METTL8: variants seen among roughly 807,000 people sequenced by gnomAD.
METTL8 encodes tRNA N(3)-cytidine methyltransferase METTL8, mitochondrial.
Under a neutral mutation model 48.7 loss-of-function variants are expected in METTL8, and 32 were observed. The ratio of observed to expected loss-of-function variants is 0.66; its 90% CI spans 0.50 to 0.88. The LOEUF (loss-of-function observed/expected upper bound fraction) is 0.88. METTL8 is among the 40% of genes least tolerant of loss of function. The probability of loss-of-function intolerance (pLI) is 0.00; values close to 1 mark genes in which losing one functional copy is unlikely to be tolerated. For synonymous variants in METTL8, 136 were observed against 157.1 expected (o/e 0.87, Z 1.01); for missense variants, 464 against 474.4 (o/e 0.98, Z 0.20).
rs148877924 is a variant in METTL8, at chr2:171,335,730, T to C, written c.656+1723A>G. On this transcript the variant is annotated intron_variant, in intron 5 of 9. Coordinates refer to ENST00000375258, the MANE Select transcript of METTL8 (RefSeq NM_001321154.2). Reference sequence around the variant, plus strand: ...GTGAGCCACCGCACCAGGCCCCAGATGCTTTTACATTTTAATAATAAAAAG... The same window carrying C: ...GTGAGCCACCGCACCAGGCCCCAGACGCTTTTACATTTTAATAATAAAAAG... 6.3e-3 allele frequency among the ~76,000 whole-genome samples: 957 copies of C among 152,226 alleles called. 6 individuals carry two copies. The highest frequency in any genetic ancestry group is 0.021 in the African/African-American group (854 of 41,540).
intron 2 of METTL8, among the ~76,000 whole-genome samples, chr2:171,376,917 GA>G: frequency 6.6e-6 from 1 of 152,236 alleles, no homozygotes; most frequent in East Asian, 1.9e-4. Context: ...AATAAATCTG[GA>G]GGTGTCACAT....
chr2:171,422,520 T>C (rs1455923116), intron 1 of METTL8, among the ~76,000 whole-genome samples: 2 of 152,212 alleles, frequency 1.3e-5, no homozygotes, highest in Admixed American at 6.5e-5. Context: ...TTTTATATAG[T>C]ATCAAATAAG....
intron 1 of METTL8, among the ~76,000 whole-genome samples, chr2:171,394,899 G>A (rs1688914409): frequency 6.6e-6 from 1 of 152,304 alleles, no homozygotes; most frequent in Admixed American, 6.5e-5. Context: ...TAAGATCCTT[G>A]CAGTGCGAAG....
chr2:171,353,524 G>T (rs1017157443), intron 3 of METTL8, among the ~76,000 whole-genome samples: 10 of 152,184 alleles, frequency 6.6e-5, no homozygotes, highest in African/African-American at 2.4e-4. Context: ...GGATATCGTT[G>T]TTAACTTTCT....
At chr2:171,329,531 A>G (rs941348182) in intron 7 of METTL8, among the ~76,000 whole-genome samples, 1 of 152,242 alleles carries the variant, frequency 6.6e-6, no homozygotes, top group African/African-American at 2.4e-5. Context: ...ACAGATTAGC[A>G]GAAAGAAATA....
At chr2:171,344,071 G>A (rs1687039528) in intron 3 of METTL8, among the ~76,000 whole-genome samples, 1 of 152,046 alleles carries the variant, frequency 6.6e-6, no homozygotes. Flanking sequence ...CAGGAATTAG[G>A]AGAAAAGAAA....
chr2:171,360,884 GT>G (rs1237262776), intron 2 of METTL8, among the ~76,000 whole-genome samples: 3 of 152,194 alleles, frequency 2.0e-5, no homozygotes, highest in Admixed American at 2.0e-4. Context: ...TTCTTCAGTA[GT>G]TTTTAAATGC....
chr2:171,416,407 A>T (rs1691322478), intron 1 of METTL8, among the ~76,000 whole-genome samples: 1 of 152,236 alleles, frequency 6.6e-6, no homozygotes, highest in African/African-American at 2.4e-5. Flanking sequence ...CACCTCAAAC[A>T]GACAATTCCA....
chr2:171,333,870 A>T (rs2105404649), intron 5 of METTL8, among the ~76,000 whole-genome samples: 1 of 152,278 alleles, frequency 6.6e-6, no homozygotes, highest in Non-Finnish European at 1.5e-5. Context: ...TTAAAAAAAG[A>T]GATAAACATG....
intron 1 of METTL8, among the ~76,000 whole-genome samples, chr2:171,429,063 T>G (rs1692705960): frequency 6.6e-6 from 1 of 152,066 alleles, no homozygotes; most frequent in Non-Finnish European, 1.5e-5. Context: ...ACACATATCT[T>G]CAAGGCTATG....
At chr2:171,426,800 CCTG>C (rs1016113888) in intron 1 of METTL8, among the ~76,000 whole-genome samples, 31 of 152,290 alleles carry the variant, frequency 2.0e-4, no homozygotes, top group African/African-American at 7.2e-4. Flanking sequence ...ACTACAATCA[CCTG>C]CTAAGTGGTC....
intron 1 of METTL8, among the ~76,000 whole-genome samples, chr2:171,426,590 A>G (rs566626845): frequency 6.6e-6 from 1 of 152,370 alleles, no homozygotes; most frequent in South Asian, 2.1e-4. Context: ...TGTTTAAAAT[A>G]AGAGGGTGAG....
chr2:171,426,318 T>C (rs1022425164), intron 1 of METTL8, among the ~76,000 whole-genome samples: 1 of 152,152 alleles, frequency 6.6e-6, no homozygotes, highest in Non-Finnish European at 1.5e-5. Flanking sequence ...GAGAAAAATA[T>C]AGACAAGCTA....
chr2:171,338,690 G>A (rs988726419), intron 4 of METTL8, among the ~76,000 whole-genome samples: 1 of 151,566 alleles, frequency 6.6e-6, no homozygotes, highest in Non-Finnish European at 1.5e-5. Context: ...TAACAGTGGT[G>A]AAATCCTTTG....
At chr2:171,368,151 GAA>G (rs1685914090) in intron 2 of METTL8, among the ~76,000 whole-genome samples, 1 of 152,174 alleles carries the variant, frequency 6.6e-6, no homozygotes, top group African/African-American at 2.4e-5. Flanking sequence ...GCTGATTGAT[GAA>G]GCAGTAAAAA....
At chr2:171,341,812 T>C (rs1485070522) in intron 3 of METTL8, among the ~76,000 whole-genome samples, 1 of 149,750 alleles carries the variant, frequency 6.7e-6, no homozygotes, top group South Asian at 2.1e-4. Context: ...TACGCATGTA[T>C]GGTTACATAG....
At chr2:171,326,988 C>T (rs1038348340) in intron 7 of METTL8, 1 of 152,200 alleles carries the variant, frequency 6.6e-6, no homozygotes, top group Non-Finnish European at 1.5e-5. Context: ...CTACTACTGA[C>T]CCCAATTAAT....
intron 2 of METTL8, among the ~76,000 whole-genome samples, chr2:171,390,235 T>G (rs1209283625): frequency 1.3e-5 from 2 of 152,204 alleles, no homozygotes; most frequent in Admixed American, 6.5e-5. Context: ...AAAGAATTCC[T>G]TGCAAAATAC....
At chr2:171,396,195 G>A (rs1689047337) in intron 1 of METTL8, among the ~76,000 whole-genome samples, 1 of 152,048 alleles carries the variant, frequency 6.6e-6, no homozygotes, top group African/African-American at 2.4e-5. Context: ...CCAGGAGGCG[G>A]AGGTTGCAGT....
Sources: allele counts gnomAD v4.1 joint callset (sites outside exome capture counted in the v4.1 genomes callset), GRCh38; gene constraint gnomAD v4.1.1; transcripts MANE v1.5; gene names NCBI Gene and HGNC (gene_info 2026-07-23, HGNC 2026-07-21).